The following ZNHIT6 variants were observed in gnomAD, a reference collection of about 807,000 sequenced individuals.
The protein encoded by ZNHIT6 is box C/D snoRNA protein 1.
A neutral mutation model predicts 57.2 loss-of-function variants in ZNHIT6; 45 were observed. That is an observed-to-expected ratio of 0.79 (90% CI 0.62 to 1.01). ZNHIT6 has a LOEUF of 1.01. Ranked by LOEUF, ZNHIT6 falls within the 50% of genes least tolerant of loss-of-function variation. The pLI, the probability that ZNHIT6 is intolerant of heterozygous loss-of-function variation, is 0.00. For synonymous variants in ZNHIT6, 188 were observed against 190.0 expected, an observed-to-expected ratio of 0.99 and a Z score of 0.09; for missense variants, 528 against 567.3, an observed-to-expected ratio of 0.93 and a Z score of 0.70.
chr1:85,686,345 AT>A (rs1662038018), intron 5 of ZNHIT6, among the ~76,000 whole-genome samples: 2 of 152,106 alleles, frequency 1.3e-5, no homozygotes, highest in Admixed American at 6.6e-5. Flanking sequence ...GAGAAAAAAA[AT>A]ATATATTTCT....
In ZNHIT6 at chr1:85,657,041, C is replaced by A. The variant is rs562946488; in HGVS notation, c.1372+806G>T. On this transcript the variant is annotated intron_variant, in intron 9 of 9. Coordinates refer to ENST00000370574, the MANE Select transcript of ZNHIT6 (RefSeq NM_017953.4). Reference sequence around the variant, plus strand: ...CAAAACCTGGCCTGTATCTGTAATTCTTTTCGTTGAAAGTGCTATGTAATA... The same window carrying A: ...CAAAACCTGGCCTGTATCTGTAATTATTTTCGTTGAAAGTGCTATGTAATA... 1.1e-3 allele frequency among the ~76,000 whole-genome samples: 168 copies of A among 152,214 alleles called. 1 individual carries two copies. Among genetic ancestry groups the A allele is most frequent in the African/African-American group, 3.9e-3 (161 of 41,576 alleles).
At chr1:85,682,570 A>G (rs1417161628) in intron 5 of ZNHIT6, among the ~76,000 whole-genome samples, 2 of 152,162 alleles carry the variant, frequency 1.3e-5, no homozygotes, top group African/African-American at 4.8e-5. Flanking sequence ...AAATCATTTT[A>G]TTTGTTGTAG....
rs148172554 is a variant in ZNHIT6 at position 85,681,313 on chromosome 1, C to T, written c.1020-409G>A. On this transcript the variant is annotated intron_variant, in intron 5 of 9. Coordinates refer to ENST00000370574, the MANE Select transcript of ZNHIT6 (RefSeq NM_017953.4). ...TACACTTCTGAGGCATGAGTACGTG[C>T]ATTCAGTAGCAAAACAGGAGACAAC... 5.3e-5 allele frequency among the ~76,000 whole-genome samples: 8 copies of T among 152,314 alleles called. No homozygotes were observed. In the East Asian group the frequency reaches 1.5e-3, roughly 29 times the overall value.
chr1:85,670,510 GAA>G (rs1380265452), intron 8 of ZNHIT6, among the ~76,000 whole-genome samples: 2 of 152,050 alleles, frequency 1.3e-5, no homozygotes, highest in African/African-American at 4.8e-5. Context: ...ACTTACTGTG[GAA>G]AAGTCACTAA....
intron 8 of ZNHIT6, among the ~76,000 whole-genome samples, chr1:85,675,622 C>G (rs1661677870): frequency 6.6e-6 from 1 of 152,174 alleles, no homozygotes; most frequent in African/African-American, 2.4e-5. Flanking sequence ...ACAAGAGGGT[C>G]AGTCCATCCC....
rs1285557777 is a variant in ZNHIT6, at chr1:85,708,014, T to C, written c.271A>G (p.Arg91Gly). Residue 91 changes from arginine (R) to glycine (G), a missense_variant, in exon 1 of 10, where the codon AGG (arginine) becomes GGG (glycine). Arg to Gly is a moderately radical substitution (Grantham distance 125). Transcript: ENST00000370574. ...TGTTCTACCCACTGGCCAGCCAACCTGCCTTCTGTACCTGGCCAGTCTATA... is the reference window on the plus strand; with the variant it reads ...TGTTCTACCCACTGGCCAGCCAACCCGCCTTCTGTACCTGGCCAGTCTATA... ...EIIDWPGTEG[R>G]LAGQWVEQEV... 11 of 1,614,008 alleles carry C rather than the reference T, an allele frequency of 6.8e-6. No homozygotes were observed. The highest frequency in any genetic ancestry group is 9.3e-6 in the Non-Finnish European group (11 of 1,180,030).
At chr1:85,668,993 A>G (rs1661468120) in intron 8 of ZNHIT6, among the ~76,000 whole-genome samples, 1 of 152,184 alleles carries the variant, frequency 6.6e-6, no homozygotes, top group African/African-American at 2.4e-5. Context: ...ATTGTAAAAA[A>G]AAAAAATGTA....
At chr1:85,695,098 T>C (rs1172308760) in intron 5 of ZNHIT6, among the ~76,000 whole-genome samples, 1 of 151,966 alleles carries the variant, frequency 6.6e-6, no homozygotes, top group East Asian at 1.9e-4. Context: ...ACTTCCTCTC[T>C]ACTAAAACAC....
At chr1:85,673,926 C>T (rs1053634695) in intron 8 of ZNHIT6, among the ~76,000 whole-genome samples, 2 of 152,130 alleles carry the variant, frequency 1.3e-5, no homozygotes, top group South Asian at 4.1e-4. Context: ...CTTATGACTA[C>T]AAAATACTTA....
intron 8 of ZNHIT6, among the ~76,000 whole-genome samples, chr1:85,660,064 C>T (rs1052604289): frequency 6.6e-6 from 1 of 152,042 alleles, no homozygotes; most frequent in South Asian, 2.1e-4. Flanking sequence ...GGATTAAATG[C>T]TTCACATCTT....
At chr1:85,682,410 C>A (rs1038689008) in intron 5 of ZNHIT6, among the ~76,000 whole-genome samples, 2 of 152,078 alleles carry the variant, frequency 1.3e-5, no homozygotes, top group African/African-American at 4.8e-5. Context: ...GGATTACCAA[C>A]TTGCCATCTT....
intron 5 of ZNHIT6, among the ~76,000 whole-genome samples, chr1:85,687,288 C>CAAAAAAAAAAAAAAAAA (rs1358501791): frequency 1.3e-5 from 1 of 75,224 alleles, no homozygotes; most frequent in Non-Finnish European, 2.3e-5. Flanking sequence ...TCTCAAAAAA[C>CAAAAAAAAAAAAAAAAA]AAAAAAAAAA....
intron 4 of ZNHIT6, among the ~76,000 whole-genome samples, chr1:85,702,778 A>G (rs1557875858): frequency 6.6e-6 from 1 of 152,208 alleles, no homozygotes; most frequent in Non-Finnish European, 1.5e-5. Context: ...CTGTTGTGGG[A>G]AGCACAAAAT....
chr1:85,673,843 A>G (rs1173550947), intron 8 of ZNHIT6, among the ~76,000 whole-genome samples: 1 of 152,234 alleles, frequency 6.6e-6, no homozygotes, highest in African/African-American at 2.4e-5. Flanking sequence ...TACAGAGAAC[A>G]TTATGTTTTA....
Position 85,662,745 on chromosome 1 carries a change from T to G in ZNHIT6, c.1248-4774A>C, listed in dbSNP as rs576828163. On this transcript the variant is annotated intron_variant, in intron 8 of 9. Coordinates refer to ENST00000370574, the MANE Select transcript of ZNHIT6 (RefSeq NM_017953.4). ...TGGGATTTTTATATATCCACATAAATGAGGACGATACCTGCTTGACATGGA... is the reference window on the plus strand; with the variant it reads ...TGGGATTTTTATATATCCACATAAAGGAGGACGATACCTGCTTGACATGGA... Among the ~76,000 whole-genome samples, 10 of 152,286 alleles carry G rather than the reference T, an allele frequency of 6.6e-5. 1 individual carries two copies. In the South Asian group the frequency reaches 1.9e-3, roughly 28 times the overall value.
In ZNHIT6 at chr1:85,657,957, T is replaced by A. The variant is rs762211432; in HGVS notation, c.1262A>T (p.Asp421Val). 9.2e-6 allele frequency: 14 copies of A among 1,523,538 alleles called. No individual in the cohort carries two copies. The Admixed American group carries it at 2.6e-4, about 28-fold the overall frequency. The allele number at this position is 1,523,538 out of a possible 1,614,324, so 94.4% of individuals were successfully genotyped here. A position where few individuals can be genotyped will look rare whatever the true frequency, so the allele number is the denominator to read the frequency against. ...QQNLVRYYEL[D>V]PYKSLLDNLR... ...ATTGTCTAGGAGACTTTTATAAGGA[T>A]CTAGTTCATAATATCTTATTAATAA... Residue 421 changes from aspartate (D) to valine (V), a missense_variant, in exon 9 of 10, where the codon GAT (aspartate) becomes GTT (valine). By Grantham distance (152) the Asp-to-Val change is radical. Coordinates refer to ENST00000370574, the MANE Select transcript of ZNHIT6 (RefSeq NM_017953.4).
chr1:85,702,499 C>T (rs1276143117), intron 4 of ZNHIT6, among the ~76,000 whole-genome samples: 1 of 152,108 alleles, frequency 6.6e-6, no homozygotes, highest in East Asian at 1.9e-4. Flanking sequence ...AGAGATAGAA[C>T]CTGTATTCAA....
rs1313698440 is a variant in ZNHIT6 at position 85,653,082 on chromosome 1, T to A, written c.*976A>T. On this transcript the variant is annotated 3_prime_UTR_variant, in exon 10 of 10. Transcript: ENST00000370574. ...TCATCACAACACCCTTCTGCAGTAA[T>A]GATGAGAGTGGGCTAGGAATGTGAT... The A allele has an allele frequency of 6.6e-6, 1 of 152,058 alleles. No individual in the cohort carries two copies. The highest frequency in any genetic ancestry group is 1.9e-4 in the East Asian group (1 of 5,180). The allele number at this position is 152,058 out of a possible 1,614,324, so 9.4% of individuals were successfully genotyped here. A position where few individuals can be genotyped will look rare whatever the true frequency, so the allele number is the denominator to read the frequency against.
At position 85,652,334 on chromosome 1, in the gene ZNHIT6, C is replaced by T. The variant is rs1003509826; in HGVS notation, c.*1724G>A. On this transcript the variant is annotated 3_prime_UTR_variant, in exon 10 of 10. Transcript: ENST00000370574. ...ATTTCTTGCTGGTTTCAAGAAGACACATTTCACTTTTGATTATAAATGAAT... is the reference window on the plus strand; with the variant it reads ...ATTTCTTGCTGGTTTCAAGAAGACATATTTCACTTTTGATTATAAATGAAT... The T allele has an allele frequency of 6.6e-6, 1 of 152,298 alleles. No individual in the cohort carries two copies. The highest frequency in any genetic ancestry group is 2.4e-5 in the African/African-American group (1 of 41,570). 9.4% of individuals were successfully genotyped at this position (152,298 alleles called of 1,614,324 possible).
Sources: allele counts gnomAD v4.1 joint callset (sites outside exome capture counted in the v4.1 genomes callset), GRCh38; gene constraint gnomAD v4.1.1; transcripts MANE v1.5; gene names NCBI Gene and HGNC (gene_info 2026-07-23, HGNC 2026-07-21).